The following COX7A2L variants were observed in gnomAD, a reference collection of about 807,000 sequenced individuals.
The protein encoded by COX7A2L is cytochrome c oxidase subunit 7A2 like.
COX7A2L carries 18 observed loss-of-function variants against 14.2 expected under a neutral mutation model. The ratio of observed to expected loss-of-function variants is 1.27; its 90% confidence interval spans 0.88 to 1.88. The LOEUF (loss-of-function observed/expected upper bound fraction) is 1.88, where lower values mean the gene tolerates loss of function less well. COX7A2L is among the 40% of genes most tolerant of loss of function. The probability of loss-of-function intolerance (pLI) is 0.00; values close to 1 mark genes in which losing one functional copy is unlikely to be tolerated. For synonymous variants in COX7A2L, 65 were observed against 57.4 expected (o/e 1.13, Z -0.60); for missense variants, 179 against 138.8 (o/e 1.29, Z -1.46).
chr2:42,366,508 T>A (rs2103922812), intron 1 of COX7A2L, among the ~76,000 whole-genome samples: 1 of 152,362 alleles, frequency 6.6e-6, no homozygotes, highest in Non-Finnish European at 1.5e-5. Context: ...TTATGACCTT[T>A]GGCTAGTTCC....
intron 2 of COX7A2L, among the ~76,000 whole-genome samples, chr2:42,340,831 C>T (rs1670389353): frequency 6.6e-6 from 1 of 152,206 alleles, no homozygotes; most frequent in Non-Finnish European, 1.5e-5. Context: ...AGGCCAGGAG[C>T]AGTGTCGCCT....
chr2:42,357,271 G>C (rs1450793821), intron 1 of COX7A2L, among the ~76,000 whole-genome samples: 1 of 152,132 alleles, frequency 6.6e-6, no homozygotes, highest in Non-Finnish European at 1.5e-5. Context: ...TAGGACTGGA[G>C]ACCAGTTTCA....
intron 1 of COX7A2L, among the ~76,000 whole-genome samples, chr2:42,355,717 C>CTTTTTTTTTTTTTTTTT (rs386390054): frequency 2.9e-5 from 2 of 69,048 alleles, no homozygotes; most frequent in African/African-American, 1.2e-4. Context: ...ATCCTACGTT[C>CTTTTTTTTTTTTTTTTT]TTTTTTTTTT....
chr2:42,349,223 CATAG>C (rs1670563151), downstream of COX7A2L: 1 of 152,146 alleles, frequency 6.6e-6, no homozygotes, highest in Non-Finnish European at 1.5e-5. Flanking sequence ...AATGTCCAAC[CATAG>C]ATAAACAAAA....
downstream of COX7A2L, among the ~76,000 whole-genome samples, chr2:42,347,208 G>T (rs35379082): frequency 2.0e-5 from 3 of 151,846 alleles, no homozygotes; most frequent in Non-Finnish European, 4.4e-5. Flanking sequence ...TCACTTAGAG[G>T]ACTGGCAAAG....
intron 2 of COX7A2L, among the ~76,000 whole-genome samples, chr2:42,336,535 T>C (rs1369345044): frequency 6.6e-6 from 1 of 152,130 alleles, no homozygotes; most frequent in African/African-American, 2.4e-5. Context: ...CATGCTTGAC[T>C]GATCACAGTA....
At position 42,351,322 on chromosome 2, in the gene COX7A2L, A is replaced by G; in HGVS notation, c.242T>C (p.Leu81Pro). 1 of 1,614,192 alleles carries G rather than the reference A, an allele frequency of 6.2e-7. No homozygotes were observed. ...GGTCCGGTAAAGCATTTGGTCAGGC[A>G]GGCCTCGTTTCAGGTAGACGGGCAC... ...DGVPVYLKRGLPDQMLYRTTM... is the reference protein window; with the variant it reads ...DGVPVYLKRGPPDQMLYRTTM... Residue 81 changes from leucine to proline, a missense_variant, in exon 3 of 3, where the codon CTG becomes CCG. By Grantham distance (98) the Leu-to-Pro change is moderately conservative. Transcript: ENST00000234301.
Position 42,353,018 on chromosome 2 carries a change from A to C in COX7A2L, c.204+194T>G, listed in dbSNP as rs570542158. On this transcript the variant is annotated intron_variant, in intron 2 of 2. Coordinates refer to ENST00000234301, the MANE Select transcript of COX7A2L (RefSeq NM_004718.4). ...TTAAATACTAATGAGGAAATTAACC[A>C]CCCTCCCCTCTTTTATCAGTATCTA... The C allele has an allele frequency of 3.7e-5, 24 of 652,030 alleles. No homozygotes were observed. In the African/African-American group the frequency reaches 4.4e-4, roughly 12 times the overall value. The allele number at this position is 652,030 out of a possible 1,614,324, so 40.4% of individuals were successfully genotyped here.
downstream of COX7A2L, among the ~76,000 whole-genome samples, chr2:42,346,287 G>A (rs900409762): frequency 1.3e-5 from 2 of 152,190 alleles, no homozygotes; most frequent in African/African-American, 4.8e-5. Context: ...GAGAGTGACA[G>A]AAAGGACAGG....
At chr2:42,368,070 GT>G (rs1230261887) in intron 1 of COX7A2L, among the ~76,000 whole-genome samples, 1 of 152,252 alleles carries the variant, frequency 6.6e-6, no homozygotes, top group Non-Finnish European at 1.5e-5. Context: ...CGGCACAGAT[GT>G]CAGGAATGCA....
In COX7A2L at chr2:42,342,793, GC is replaced by G. The variant is rs138727332; in HGVS notation, c.193-8925del. ...AGAATGCTCTTCCTGGCCATTCAGC[GC>G]CCCCCGTTTCGGGTTTTGCAGCAGA... is the stretch of plus-strand genomic sequence containing the variant. On this transcript the variant is annotated intron_variant, in intron 2 of 2. Transcript: ENST00000468711. The surrounding 1 kb of genome is among the most constrained non-coding windows in gnomAD (Gnocchi z 4.9). Among the ~76,000 whole-genome samples, 3,943 of 152,048 alleles carry G rather than the reference GC, an allele frequency of 0.026. 175 individuals are homozygous for G. The highest frequency in any genetic ancestry group is 0.089 in the African/African-American group (3,702 of 41,444).
At chr2:42,361,849 CTGG>C (rs1671065086), upstream of COX7A2L, 1 of 152,216 alleles carries the variant, frequency 6.6e-6, no homozygotes, top group Non-Finnish European at 1.5e-5. Context: ...CCCTGGCAAC[CTGG>C]GAGTTGAAGC....
At position 42,353,266 on chromosome 2, in the gene COX7A2L, T is replaced by C. The variant is rs572122964; in HGVS notation, c.150A>G (p.Thr50=). The C allele has an allele frequency of 1.2e-6, 2 of 1,614,158 alleles. No individual in the cohort carries two copies. Among genetic ancestry groups the C allele is most frequent in the South Asian group, 2.2e-5 (2 of 91,076 alleles). The change falls in exon 2 of 3, where the codon ACA becomes ACG. Residue 50 remains threonine, a synonymous_variant. Coordinates refer to ENST00000234301, the MANE Select transcript of COX7A2L (RefSeq NM_004718.4). ...ATPTKLTSDS[T]VYDYAGKNKV... ...TGTTTTTCCCAGCATAATCATACAC[T>C]GTGGAATCGGAGGTCAGTTTAGTTG...
intron 1 of COX7A2L, among the ~76,000 whole-genome samples, chr2:42,366,869 T>C (rs1012513954): frequency 1.3e-4 from 20 of 152,176 alleles, no homozygotes; most frequent in Admixed American, 1.1e-3. Context: ...CCAGAAGTAG[T>C]AACTATTAGT....
chr2:42,339,317 GC>G lies in COX7A2L; in HGVS notation c.193-5449del, dbSNP rs1670351922. ...TCTCGGGCACAGGATCCCCCCAGCG[GC>G]TCTTGCTCCTCCATGTCCTGATTCA... is the stretch of plus-strand genomic sequence containing the variant. On this transcript the variant is annotated intron_variant, in intron 2 of 2. Coordinates refer to the COX7A2L transcript ENST00000468711. The surrounding 1 kb of genome is among the most constrained non-coding windows in gnomAD (Gnocchi z 5.4). 6.6e-6 allele frequency among the ~76,000 whole-genome samples: 1 copy of G among 152,162 alleles called. No individual in the cohort carries two copies. The highest frequency in any genetic ancestry group is 2.4e-5 in the African/African-American group (1 of 41,434).
At chr2:42,358,348 G>A (rs1316841990) in intron 1 of COX7A2L, among the ~76,000 whole-genome samples, 2 of 152,212 alleles carry the variant, frequency 1.3e-5, no homozygotes, top group African/African-American at 4.8e-5. Flanking sequence ...CCCACCAACT[G>A]CTTGCTGTCA....
At chr2:42,356,944 G>A (rs987739943) in intron 1 of COX7A2L, among the ~76,000 whole-genome samples, 9 of 152,006 alleles carry the variant, frequency 5.9e-5, no homozygotes, top group African/African-American at 1.9e-4. Context: ...AAAATAAGTG[G>A]CCCATAGATC....
At chr2:42,361,040 G>C (rs776881420) in intron 1 of COX7A2L, 50 bp downstream of exon 1, 213 of 1,600,066 alleles carry the variant, frequency 1.3e-4, no homozygotes, top group East Asian at 1.8e-4. Context: ...CTGTCGCCGA[G>C]GCTAGGGCCG....
At chr2:42,357,136 A>C (rs1670846482) in intron 1 of COX7A2L, among the ~76,000 whole-genome samples, 1 of 152,176 alleles carries the variant, frequency 6.6e-6, no homozygotes, top group Non-Finnish European at 1.5e-5. Flanking sequence ...TCCCTCTAAA[A>C]GTTGGTTGTA....
Sources: allele counts gnomAD v4.1 joint callset (sites outside exome capture counted in the v4.1 genomes callset), GRCh38; gene constraint gnomAD v4.1.1; non-coding constraint Gnocchi (gnomAD v3.1); transcripts MANE v1.5; gene names NCBI Gene and HGNC (gene_info 2026-07-23, HGNC 2026-07-21).